Variants in SNX27 observed in about 807,000 individuals in gnomAD.
SNX27 encodes the protein sorting nexin 27.
SNX27 carries 22 observed loss-of-function variants against 71.6 expected under a neutral mutation model. That is an observed-to-expected ratio of 0.31 (90% CI 0.22 to 0.44). SNX27 has a LOEUF of 0.44. Ranked by LOEUF, SNX27 falls within the 20% of genes least tolerant of loss-of-function variation. SNX27 has a pLI of 1.00. For synonymous variants in SNX27, 269 were observed against 277.2 expected (o/e 0.97, Z 0.29); for missense variants, 531 against 698.6 (o/e 0.76, Z 2.70).
intron 2 of SNX27, among the ~76,000 whole-genome samples, chr1:151,640,977 C>T (rs1668694529): frequency 6.6e-6 from 1 of 152,108 alleles, no homozygotes; most frequent in African/African-American, 2.4e-5. Flanking sequence ...TTGTATCTGG[C>T]TTTGTTCAGT....
At chr1:151,659,124 A>T (rs1262435210) in intron 3 of SNX27, among the ~76,000 whole-genome samples, 1 of 152,162 alleles carries the variant, frequency 6.6e-6, no homozygotes, top group Non-Finnish European at 1.5e-5. Flanking sequence ...CCTACATGAA[A>T]ACTTTATTCA....
rs190609029 is a variant in SNX27, at chr1:151,663,939, C to T, written c.906+1669C>T. On this transcript the variant is annotated intron_variant, in intron 5 of 11. Coordinates refer to ENST00000458013, the MANE Select transcript of SNX27 (RefSeq NM_001330723.2). ...TTTCTAATACTCTCATTTCTTCCAC[C>T]GATTAGCTAGAATTCTTCTGAAAAT... Among the ~76,000 whole-genome samples the T allele has an allele frequency of 1.1e-3, 169 of 151,960 alleles. 3 individuals carry two copies. The highest frequency in any genetic ancestry group is 0.011 in the South Asian group (51 of 4,822).
At chr1:151,671,263 G>T in intron 7 of SNX27, among the ~76,000 whole-genome samples, 1 of 150,156 alleles carries the variant, frequency 6.7e-6, no homozygotes, top group African/African-American at 2.5e-5. Flanking sequence ...CCAGAGACAG[G>T]GTCTCGCTTT....
intron 1 of SNX27, chr1:151,629,506 T>C (rs751635492): frequency 5.3e-5 from 8 of 150,912 alleles, no homozygotes; most frequent in African/African-American, 1.5e-4. Context: ...CGTATATATA[T>C]ACATATATAC....
chr1:151,627,627 C>G (rs909507737), intron 1 of SNX27, among the ~76,000 whole-genome samples: 2 of 152,120 alleles, frequency 1.3e-5, no homozygotes, highest in African/African-American at 2.4e-5. Context: ...GGGGTTTCGC[C>G]ATGATGCCCA....
Position 151,692,479 on chromosome 1 carries a change from C to G in SNX27, c.1284C>G (p.Ile428Met), listed in dbSNP as rs564922149. Residue 428 changes from isoleucine to methionine, a missense_variant, in exon 9 of 12, where the codon ATC becomes ATG. Ile to Met is a conservative substitution (Grantham distance 10). Transcript: ENST00000458013. ...LRTCEGYNEI[I>M]FPHCACDSRR... ...CTTGTGAGGGCTACAATGAAATCAT[C>G]TTTCCCCACTGTGCCTGTGACTCCA... 1 of 1,345,178 alleles carries G rather than the reference C, an allele frequency of 7.4e-7. No individual in the cohort carries two copies. The highest frequency in any genetic ancestry group is 1.1e-5 in the South Asian group (1 of 87,264). 83.3% of individuals were successfully genotyped at this position (1,345,178 alleles called of 1,614,324 possible).
At chr1:151,688,947 C>G (rs1296111489) in intron 8 of SNX27, among the ~76,000 whole-genome samples, 1 of 152,152 alleles carries the variant, frequency 6.6e-6, no homozygotes, top group Non-Finnish European at 1.5e-5. Context: ...ACCTTGTCTT[C>G]CAATGAGACT....
Position 151,692,421 on chromosome 1 carries a change from T to C in SNX27, c.1240-14T>C. 7.2e-7 allele frequency: 1 copy of C among 1,395,880 alleles called. No homozygotes were observed. 86.5% of individuals were successfully genotyped at this position (1,395,880 alleles called of 1,614,324 possible). A position where few individuals can be genotyped will look rare whatever the true frequency, so the allele number is the denominator to read the frequency against. ...TTTCTCCTTCCTTTTTTTTTTTTTT[T>C]TTTTTTTTTTTAGTACCTCAACATG... On this transcript the variant is annotated splice_polypyrimidine_tract_variant and intron_variant, in intron 8 of 11. Coordinates refer to ENST00000458013, the MANE Select transcript of SNX27 (RefSeq NM_001330723.2).
In SNX27 at chr1:151,694,989, A is replaced by C. The variant is rs887316369; in HGVS notation, c.*572A>C. The C allele has an allele frequency of 6.6e-6, 1 of 152,626 alleles. No homozygotes were observed. The highest frequency in any genetic ancestry group is 1.5e-5 in the Non-Finnish European group (1 of 68,044). The allele number at this position is 152,626 out of a possible 1,614,324, so 9.5% of individuals were successfully genotyped here. On this transcript the variant is annotated 3_prime_UTR_variant, in exon 12 of 12. Transcript: ENST00000458013. The stretch of plus-strand genomic sequence containing the variant: ...AGGAAAAAAAAGCATTTTACAGGGA[A>C]AAATACCTCTCCTCATGAAGGACTT...
At chr1:151,614,628 G>A (rs922995984) in intron 1 of SNX27, among the ~76,000 whole-genome samples, 1 of 152,130 alleles carries the variant, frequency 6.6e-6, no homozygotes, top group Non-Finnish European at 1.5e-5. Context: ...TTATACTTGG[G>A]CACCTAATTA....
intron 2 of SNX27, among the ~76,000 whole-genome samples, chr1:151,652,702 C>T (rs921612294): frequency 1.3e-5 from 2 of 152,066 alleles, no homozygotes; most frequent in Non-Finnish European, 2.9e-5. Flanking sequence ...TGAGCCACTG[C>T]GCCCAGCCCA....
At chr1:151,683,470 T>C in intron 8 of SNX27, 25 bp downstream of exon 8, 1 of 1,557,750 alleles carries the variant, frequency 6.4e-7, no homozygotes, top group African/African-American at 1.4e-5. Context: ...CCATAATCCC[T>C]TTAAAAATGC....
chr1:151,693,696 C>T (rs1368237379), intron 11 of SNX27: 1 of 1,611,302 alleles, frequency 6.2e-7, no homozygotes. Flanking sequence ...CCTGCTTCTT[C>T]CCTTGTCTAG....
intron 3 of SNX27, chr1:151,660,451 C>T (rs1669914097): frequency 5.9e-6 from 1 of 170,268 alleles, no homozygotes. Context: ...TCTTTCCCTA[C>T]CACTACCTCT....
intron 7 of SNX27, among the ~76,000 whole-genome samples, chr1:151,674,909 ATC>A (rs898367568): frequency 6.7e-6 from 1 of 149,972 alleles, no homozygotes; most frequent in African/African-American, 2.5e-5. Context: ...GATGGTCTTG[ATC>A]TCTTGACCTT....
At chr1:151,681,311 G>C (rs569015614) in intron 7 of SNX27, among the ~76,000 whole-genome samples, 1 of 137,312 alleles carries the variant, frequency 7.3e-6, no homozygotes, top group South Asian at 2.3e-4. Context: ...GTGCTATCTC[G>C]GCTCACTGCA....
chr1:151,630,129 T>A (rs1462446688), intron 1 of SNX27, among the ~76,000 whole-genome samples: 1 of 151,054 alleles, frequency 6.6e-6, no homozygotes, highest in Non-Finnish European at 1.5e-5. Context: ...AAAAAGAAAC[T>A]TTTTTGTGTT....
At chr1:151,623,193 G>A (rs2102601666) in intron 1 of SNX27, among the ~76,000 whole-genome samples, 1 of 151,948 alleles carries the variant, frequency 6.6e-6, no homozygotes, top group African/African-American at 2.4e-5. Flanking sequence ...CCAGGCTGGA[G>A]TGCAGTGGCA....
intron 1 of SNX27, among the ~76,000 whole-genome samples, chr1:151,622,960 A>G (rs1667741101): frequency 6.6e-6 from 1 of 150,974 alleles, no homozygotes; most frequent in South Asian, 2.1e-4. Context: ...TAGTTTTTAT[A>G]TTATTTGTTT....
Sources: allele counts gnomAD v4.1 joint callset (sites outside exome capture counted in the v4.1 genomes callset), GRCh38; gene constraint gnomAD v4.1.1; transcripts MANE v1.5; gene names NCBI Gene and HGNC (gene_info 2026-07-23, HGNC 2026-07-21).